HECW1: variants seen among roughly 807,000 people sequenced by gnomAD.
HECW1 encodes E3 ubiquitin-protein ligase HECW1.
HECW1 carries 61 observed loss-of-function variants against 182.3 expected under a neutral mutation model. The ratio of observed to expected loss-of-function variants is 0.33; its 90% CI spans 0.27 to 0.41. HECW1 has a LOEUF of 0.41. Ranked by LOEUF, HECW1 falls within the 10% of genes least tolerant of loss-of-function variation. The pLI, the probability that HECW1 is intolerant of heterozygous loss-of-function variation, is 1.00. For synonymous variants in HECW1, 859 were observed against 832.6 expected (o/e 1.03, Z -0.55); for missense variants, 1,739 against 2,108.9 (o/e 0.82, Z 3.44).
intron 24 of HECW1, among the ~76,000 whole-genome samples, chr7:43,526,471 ATTGT>A (rs886456361): frequency 6.6e-6 from 1 of 152,206 alleles, no homozygotes; most frequent in African/African-American, 2.4e-5. Flanking sequence ...AATTCTAAAC[ATTGT>A]TTGGTTTAGC....
chr7:43,317,809 TTGTG>T (rs3032881), intron 4 of HECW1, among the ~76,000 whole-genome samples: 7,214 of 142,482 alleles, frequency 0.051, 182 homozygotes, highest in South Asian at 0.072. Flanking sequence ...TTTCTCATTA[TTGTG>T]TGTGTGTGTG....
At chr7:43,451,812 A>G (rs1176522512) in intron 12 of HECW1, among the ~76,000 whole-genome samples, 1 of 152,226 alleles carries the variant, frequency 6.6e-6, no homozygotes, top group East Asian at 1.9e-4. Context: ...CAAAGATAGT[A>G]TTTAAGATTT....
rs143331891 is a variant in HECW1, at chr7:43,187,518, C to A, written c.-31-56357C>A. Among the ~76,000 whole-genome samples the A allele has an allele frequency of 7.6e-3, 1,134 of 150,186 alleles. 14 individuals are homozygous for A. The highest frequency in any genetic ancestry group is 0.027 in the African/African-American group (1,077 of 39,844). On this transcript the variant is annotated intron_variant, in intron 2 of 29. Transcript: ENST00000395891. ...TTCATTATATTATCTATATTTTATTCTTTTAGATACTATTACCTTTTACTC... is the reference window on the plus strand; with the variant it reads ...TTCATTATATTATCTATATTTTATTATTTTAGATACTATTACCTTTTACTC...
chr7:43,208,453 TAA>T (rs1472791709), intron 2 of HECW1, among the ~76,000 whole-genome samples: 1 of 152,250 alleles, frequency 6.6e-6, no homozygotes, highest in African/African-American at 2.4e-5. Context: ...TTATTGGGGT[TAA>T]AGTCTCCCGG....
At chr7:43,468,851 C>T (rs2077896919) in intron 15 of HECW1, 69 bp from the exon 16 acceptor site, 2 of 1,384,700 alleles carry the variant, frequency 1.4e-6, no homozygotes, top group South Asian at 1.3e-5. Context: ...TTAGGGTGCT[C>T]ATAGTGTGCT....
intron 14 of HECW1, 97 bp downstream of exon 14, chr7:43,463,896 G>GCT: frequency 2.2e-6 from 3 of 1,368,450 alleles, no homozygotes; most frequent in Non-Finnish European, 3.0e-6. Context: ...GGAGCAATGT[G>GCT]CCCCAGGGTG....
chr7:43,307,968 ATC>A (rs1807837185), intron 3 of HECW1, among the ~76,000 whole-genome samples: 1 of 131,758 alleles, frequency 7.6e-6, no homozygotes, highest in Non-Finnish European at 1.5e-5. Flanking sequence ...TATACTGTAT[ATC>A]TTATATATTA....
At chr7:43,221,553 T>TG (rs1796959046) in intron 2 of HECW1, among the ~76,000 whole-genome samples, 1 of 67,110 alleles carries the variant, frequency 1.5e-5, no homozygotes, top group East Asian at 3.6e-4. Flanking sequence ...TTTTTTTTTT[T>TG]TTTTTTTTTT....
At position 43,468,917 on chromosome 7, in the gene HECW1, C is replaced by A; in HGVS notation, c.2914-3C>A. On this transcript the variant is annotated splice_region_variant and splice_polypyrimidine_tract_variant and intron_variant, in intron 15 of 29. Transcript: ENST00000395891. The stretch of plus-strand genomic sequence containing the variant: ...TTACCCCGTCCGCCCTGACCTGTCT[C>A]AGAGTGCCTACCGAGTCTTCACCAG... The A allele has an allele frequency of 6.2e-7, 1 of 1,614,124 alleles. No individual in the cohort carries two copies. Among genetic ancestry groups the A allele is most frequent in the South Asian group, 1.1e-5 (1 of 91,072 alleles).
At chr7:43,361,969 C>T (rs1382230000) in intron 6 of HECW1, among the ~76,000 whole-genome samples, 1 of 151,100 alleles carries the variant, frequency 6.6e-6, no homozygotes, top group Non-Finnish European at 1.5e-5. Flanking sequence ...TGGTGAAACG[C>T]TGTCTCTACT....
chr7:43,525,373 G>A (rs2080715722), intron 24 of HECW1, among the ~76,000 whole-genome samples: 1 of 152,122 alleles, frequency 6.6e-6, no homozygotes, highest in South Asian at 2.1e-4. Flanking sequence ...AAGTCTTTTT[G>A]TCTGTTGGGA....
intron 8 of HECW1, 99 bp from the exon 9 acceptor site, chr7:43,437,904 T>G: frequency 8.3e-7 from 1 of 1,209,900 alleles, no homozygotes; most frequent in Non-Finnish European, 1.2e-6. Flanking sequence ...ATATTATAGC[T>G]AGGATGTTTT....
chr7:43,538,186 T>C (rs538260583), intron 24 of HECW1, among the ~76,000 whole-genome samples: 6 of 152,196 alleles, frequency 3.9e-5, no homozygotes, highest in Non-Finnish European at 8.8e-5. Context: ...GCTTGAACTC[T>C]GGTATGTAAA....
chr7:43,274,753 G>A (rs1460275059), intron 3 of HECW1, among the ~76,000 whole-genome samples: 2 of 152,126 alleles, frequency 1.3e-5, no homozygotes, highest in African/African-American at 2.4e-5. Flanking sequence ...CACTTATTGA[G>A]CACCTATGGT....
chr7:43,357,385 A>G (rs117519826), intron 5 of HECW1, among the ~76,000 whole-genome samples: 2,637 of 152,318 alleles, frequency 0.017, 34 homozygotes, highest in Non-Finnish European at 0.027. Context: ...TTCAGTCACA[A>G]AAAAGAATGG....
At chr7:43,356,579 T>C (rs965955177) in intron 5 of HECW1, among the ~76,000 whole-genome samples, 1 of 152,206 alleles carries the variant, frequency 6.6e-6, no homozygotes, top group Non-Finnish European at 1.5e-5. Flanking sequence ...ACTCAACTGC[T>C]GCAGAATACA....
intron 15 of HECW1, among the ~76,000 whole-genome samples, chr7:43,468,014 G>A (rs2077858316): frequency 1.3e-5 from 2 of 152,002 alleles, no homozygotes; most frequent in Non-Finnish European, 2.9e-5. Flanking sequence ...CCCCAGCCCT[G>A]GGTGCAGGTG....
At chr7:43,334,381 C>T (rs1315377496) in intron 5 of HECW1, among the ~76,000 whole-genome samples, 1 of 152,184 alleles carries the variant, frequency 6.6e-6, no homozygotes, top group Non-Finnish European at 1.5e-5. Flanking sequence ...CAAAACCTCT[C>T]CCAAAATGTT....
chr7:43,371,445 G>A (rs1290914150), intron 6 of HECW1, among the ~76,000 whole-genome samples: 1 of 152,024 alleles, frequency 6.6e-6, no homozygotes, highest in Non-Finnish European at 1.5e-5. Flanking sequence ...TTTTGCTGTG[G>A]ACCTAAACCT....
Sources: allele counts gnomAD v4.1 joint callset (sites outside exome capture counted in the v4.1 genomes callset), GRCh38; gene constraint gnomAD v4.1.1; transcripts MANE v1.5; gene names NCBI Gene and HGNC (gene_info 2026-07-23, HGNC 2026-07-21).